The following KAZN variants were observed in gnomAD, a reference collection of about 807,000 sequenced individuals.
KAZN encodes kazrin.
A neutral mutation model predicts 87.4 loss-of-function variants in KAZN; 40 were observed. The observed-to-expected ratio is 0.46, with a 90% CI of 0.36 to 0.60. The LOEUF is 0.60. Ranked by LOEUF, KAZN falls within the 20% of genes least tolerant of loss-of-function variation. KAZN has a pLI of 0.00. For missense variants in KAZN, 898 were observed against 1,073.9 expected, an observed-to-expected ratio of 0.84 and a Z score of 2.29; for synonymous variants, 466 against 458.3, an observed-to-expected ratio of 1.02 and a Z score of -0.22.
At chr1:14,092,536 T>C (rs1032454717) in intron 1 of KAZN, among the ~76,000 whole-genome samples, 5 of 130,584 alleles carry the variant, frequency 3.8e-5, no homozygotes, top group Non-Finnish European at 5.4e-5. Context: ...TAGGGGTATG[T>C]ATGTACATAT....
chr1:14,530,862 A>G (rs1001804502), intron 2 of KAZN, among the ~76,000 whole-genome samples: 2 of 152,190 alleles, frequency 1.3e-5, no homozygotes, highest in African/African-American at 2.4e-5. Flanking sequence ...AGGCAGGAGG[A>G]TCACTTGAAC....
chr1:14,861,333 T>C (rs1310329195), intron 1 of KAZN, among the ~76,000 whole-genome samples: 1 of 152,154 alleles, frequency 6.6e-6, no homozygotes, highest in African/African-American at 2.4e-5. Flanking sequence ...GAGCCAAGAT[T>C]GCACCACTGC....
intron 2 of KAZN, chr1:14,221,837 A>C (rs1193534215): frequency 3.3e-5 from 5 of 152,194 alleles, no homozygotes; most frequent in Non-Finnish European, 5.9e-5. Context: ...CTTAAATCTG[A>C]TGGTGAAACA....
At chr1:15,104,221 C>T (rs546941584) in intron 13 of KAZN, 32 bp downstream of exon 13, 36 of 1,543,616 alleles carry the variant, frequency 2.3e-5, no homozygotes, top group Non-Finnish European at 3.1e-5. Flanking sequence ...GTCATGTGGG[C>T]TGCTGGGTAC....
intron 2 of KAZN, among the ~76,000 whole-genome samples, chr1:14,591,428 C>T (rs1308410520): frequency 1.3e-5 from 2 of 151,682 alleles, no homozygotes; most frequent in Non-Finnish European, 2.9e-5. Flanking sequence ...AACACACACA[C>T]ACACACACAC....
At chr1:14,271,236 A>G (rs1272418949) in intron 2 of KAZN, among the ~76,000 whole-genome samples, 1 of 152,144 alleles carries the variant, frequency 6.6e-6, no homozygotes, top group Non-Finnish European at 1.5e-5. Context: ...TTTTACCTTG[A>G]TTACCTCTTT....
At chr1:14,419,867 G>T (rs115978174) in intron 2 of KAZN, among the ~76,000 whole-genome samples, 1 of 152,120 alleles carries the variant, frequency 6.6e-6, no homozygotes, top group Admixed American at 6.5e-5. Context: ...GAGTATTACA[G>T]CTCGCACAGA....
chr1:14,256,073 G>C (rs950856447), intron 2 of KAZN, among the ~76,000 whole-genome samples: 3 of 152,118 alleles, frequency 2.0e-5, no homozygotes, highest in Non-Finnish European at 4.4e-5. Context: ...TAAAATGATT[G>C]TTACTCTTTA....
chr1:13,981,444 C>T (rs185752937), intron 1 of KAZN, among the ~76,000 whole-genome samples: 232 of 127,760 alleles, frequency 1.8e-3, no homozygotes, highest in African/African-American at 5.7e-3. Flanking sequence ...TTGGTCAAAG[C>T]AGTCATAACC....
At chr1:14,159,373 T>A (rs1489275713) in intron 1 of KAZN, among the ~76,000 whole-genome samples, 1 of 152,188 alleles carries the variant, frequency 6.6e-6, no homozygotes, top group Non-Finnish European at 1.5e-5. Flanking sequence ...AAGAGCCTTA[T>A]TCTGTGGCTA....
intron 2 of KAZN, among the ~76,000 whole-genome samples, chr1:14,317,843 A>G (rs1655764655): frequency 6.6e-6 from 1 of 152,034 alleles, no homozygotes; most frequent in Admixed American, 6.6e-5. Flanking sequence ...ACTTAAAGTC[A>G]CAGTTTCCAA....
At chr1:14,034,168 A>T (rs1051540856) in intron 1 of KAZN, among the ~76,000 whole-genome samples, 1 of 152,246 alleles carries the variant, frequency 6.6e-6, no homozygotes, top group African/African-American at 2.4e-5. Flanking sequence ...AGCCTGTATC[A>T]GGTGGCTATA....
At chr1:14,056,261 T>G (rs1642550494) in intron 1 of KAZN, among the ~76,000 whole-genome samples, 1 of 152,232 alleles carries the variant, frequency 6.6e-6, no homozygotes, top group African/African-American at 2.4e-5. Context: ...GATTAAATTA[T>G]GAACCTTGAA....
chr1:14,210,443 C>T (rs755836699), intron 2 of KAZN, among the ~76,000 whole-genome samples: 28 of 152,308 alleles, frequency 1.8e-4, no homozygotes, highest in Middle Eastern at 6.8e-3. Flanking sequence ...TAATACAACA[C>T]TTACATAGTC....
At chr1:15,032,619 G>T (rs116230416) in intron 2 of KAZN, among the ~76,000 whole-genome samples, 9 of 152,152 alleles carry the variant, frequency 5.9e-5, no homozygotes, top group African/African-American at 1.9e-4. Flanking sequence ...TTTATCCATG[G>T]GTTTCACATC....
At chr1:14,500,134 G>A (rs1436398720) in intron 2 of KAZN, among the ~76,000 whole-genome samples, 2 of 152,070 alleles carry the variant, frequency 1.3e-5, no homozygotes, top group African/African-American at 4.8e-5. Flanking sequence ...AAAGCACCCA[G>A]GGCCCCCAAG....
intron 1 of KAZN, among the ~76,000 whole-genome samples, chr1:14,941,361 C>A (rs1249589993): frequency 6.6e-6 from 1 of 152,168 alleles, no homozygotes; most frequent in African/African-American, 2.4e-5. Context: ...ACAGTATACT[C>A]ACCTCTTGGC....
intron 2 of KAZN, among the ~76,000 whole-genome samples, chr1:14,510,715 C>G (rs962710014): frequency 2.0e-5 from 3 of 152,108 alleles, no homozygotes; most frequent in Admixed American, 1.3e-4. Context: ...AGAGAAGAAG[C>G]AAGAGAGAGT....
At chr1:14,651,349 G>A (rs527290341) in intron 1 of KAZN, among the ~76,000 whole-genome samples, 1 of 152,308 alleles carries the variant, frequency 6.6e-6, no homozygotes, top group Admixed American at 6.5e-5. Flanking sequence ...CTCTATACCT[G>A]TGAGTTTCTT....
Sources: allele counts gnomAD v4.1 joint callset (sites outside exome capture counted in the v4.1 genomes callset), GRCh38; gene constraint gnomAD v4.1.1; transcripts MANE v1.5; gene names NCBI Gene and HGNC (gene_info 2026-07-23, HGNC 2026-07-21).